The following KCNQ5 variants were observed in gnomAD, a reference collection of about 807,000 sequenced individuals.
KCNQ5 encodes the protein potassium voltage-gated channel subfamily KQT member 5.
In KCNQ5, 30 loss-of-function variants were observed where a neutral mutation model predicts 98.2. The observed-to-expected ratio is 0.31, with a 90% CI of 0.23 to 0.41. The LOEUF (loss-of-function observed/expected upper bound fraction) is 0.41. KCNQ5 is among the 10% of genes least tolerant of loss of function. The probability of loss-of-function intolerance (pLI) is 1.00; values close to 1 mark genes in which losing one functional copy is unlikely to be tolerated. For synonymous variants in KCNQ5, 458 were observed against 449.4 expected (o/e 1.02, Z -0.24); for missense variants, 835 against 1,182.5 (o/e 0.71, Z 4.31).
intron 1 of KCNQ5, among the ~76,000 whole-genome samples, chr6:72,684,746 T>C (rs926725188): frequency 1.3e-5 from 2 of 152,230 alleles, no homozygotes; most frequent in African/African-American, 4.8e-5. Context: ...AATATTGACA[T>C]ATTAATTTAT....
At chr6:73,125,257 G>A in intron 9 of KCNQ5, 1 of 305,852 alleles carries the variant, frequency 3.3e-6, no homozygotes, top group South Asian at 2.9e-5. Flanking sequence ...TCAGATTACA[G>A]CAGAGAATTA....
chr6:73,060,293 A>G (rs1772722770), intron 3 of KCNQ5, among the ~76,000 whole-genome samples: 1 of 152,166 alleles, frequency 6.6e-6, no homozygotes, highest in Non-Finnish European at 1.5e-5. Flanking sequence ...GTGTGGCCAA[A>G]ATATATGAAT....
intron 1 of KCNQ5, among the ~76,000 whole-genome samples, chr6:72,897,154 G>T (rs887941999): frequency 2.6e-5 from 4 of 152,094 alleles, no homozygotes; most frequent in Non-Finnish European, 4.4e-5. Context: ...TAAAAGTGCA[G>T]ATTGGACCAC....
intron 1 of KCNQ5, among the ~76,000 whole-genome samples, chr6:72,832,183 C>T (rs1776303322): frequency 6.6e-6 from 1 of 151,530 alleles, no homozygotes; most frequent in Non-Finnish European, 1.5e-5. Flanking sequence ...TGAGATGTGG[C>T]AATGGATAAG....
intron 5 of KCNQ5, among the ~76,000 whole-genome samples, chr6:73,081,031 C>T (rs1476587345): frequency 6.6e-6 from 1 of 152,118 alleles, no homozygotes; most frequent in Non-Finnish European, 1.5e-5. Context: ...ATAGCAAGTG[C>T]CCAATCAAAT....
chr6:73,042,228 C>G (rs1771744859), intron 3 of KCNQ5, 166 bp downstream of exon 3: 8 of 740,284 alleles, frequency 1.1e-5, no homozygotes, highest in Non-Finnish European at 1.9e-5. Context: ...GATGTTGTCT[C>G]CACAGCATTA....
At chr6:72,945,859 G>A (rs1349822998) in intron 1 of KCNQ5, among the ~76,000 whole-genome samples, 3 of 152,052 alleles carry the variant, frequency 2.0e-5, no homozygotes, top group African/African-American at 7.2e-5. Flanking sequence ...GACTGAGGGG[G>A]AGAAAAGAAG....
intron 3 of KCNQ5, among the ~76,000 whole-genome samples, chr6:73,066,307 A>G (rs556848201): frequency 1.0e-3 from 156 of 152,120 alleles, no homozygotes; most frequent in African/African-American, 3.6e-3. Context: ...CTGTGACTCC[A>G]CCCTCATCCT....
rs144643972 is a variant in KCNQ5 at position 73,157,866 on chromosome 6, A to T, written c.1469-11880A>T. On this transcript the variant is annotated intron_variant, in intron 10 of 13. Coordinates refer to ENST00000370398, the MANE Select transcript of KCNQ5 (RefSeq NM_019842.4). ...GCCTCATGATCTGTGGGTTTTCGGG[A>T]TCTAAGCGAATATCGTTCAGCGCAT... is the stretch of plus-strand genomic sequence containing the variant. 854 of 778,810 alleles carry T rather than the reference A, an allele frequency of 1.1e-3. 3 individuals carry two copies. Among genetic ancestry groups the T allele is most frequent in the South Asian group, 3.3e-3 (244 of 74,584 alleles). 48.2% of individuals were successfully genotyped at this position (778,810 alleles called of 1,614,324 possible).
At chr6:72,783,449 G>T (rs1773584077) in intron 1 of KCNQ5, among the ~76,000 whole-genome samples, 1 of 152,132 alleles carries the variant, frequency 6.6e-6, no homozygotes, top group Admixed American at 6.5e-5. Context: ...TTGAAATGAA[G>T]TAACTAAATC....
chr6:73,085,226 C>T (rs549106780), intron 5 of KCNQ5, among the ~76,000 whole-genome samples: 1 of 152,272 alleles, frequency 6.6e-6, no homozygotes, highest in African/African-American at 2.4e-5. Flanking sequence ...ATTGTAAGCA[C>T]ATCTTAAAGA....
chr6:73,147,147 T>TTC (rs985350944), intron 10 of KCNQ5, among the ~76,000 whole-genome samples: 4 of 151,934 alleles, frequency 2.6e-5, no homozygotes, highest in African/African-American at 9.7e-5. Context: ...CTTTAATTTG[T>TTC]TCTCTCTCTC....
intron 1 of KCNQ5, among the ~76,000 whole-genome samples, chr6:72,859,429 AT>A (rs869097719): frequency 1.6e-5 from 2 of 124,448 alleles, no homozygotes; most frequent in South Asian, 5.8e-4. Flanking sequence ...TATTTTTCGT[AT>A]TTTTTTCAAT....
At chr6:72,710,337 A>G (rs1404476970) in intron 1 of KCNQ5, among the ~76,000 whole-genome samples, 1 of 152,228 alleles carries the variant, frequency 6.6e-6, no homozygotes, top group Non-Finnish European at 1.5e-5. Flanking sequence ...ATTACTTTGA[A>G]TGTAAATGGA....
At chr6:73,049,690 T>C (rs906226854) in intron 3 of KCNQ5, among the ~76,000 whole-genome samples, 3 of 152,194 alleles carry the variant, frequency 2.0e-5, no homozygotes, top group African/African-American at 7.2e-5. Context: ...GATCCGTATT[T>C]TCAGCATGTA....
intron 1 of KCNQ5, among the ~76,000 whole-genome samples, chr6:72,669,183 T>A (rs1766973687): frequency 6.6e-6 from 1 of 152,266 alleles, no homozygotes; most frequent in South Asian, 2.1e-4. Flanking sequence ...AAGGTATGAT[T>A]CATCATGAGG....
rs1033015394 is a variant in KCNQ5, at chr6:72,622,309, G to A, written c.120G>A (p.Glu40=). ...GRLGSGMKDV[E]SGRGRVLLNS... is the part of the protein sequence containing the mutation. ...TGGGCAGCGGCATGAAGGATGTGGA[G>A]TCCGGCCGGGGCAGGGTGCTGCTGA... is the stretch of plus-strand genomic sequence containing the variant. The change falls in exon 1 of 14, where the codon GAG becomes GAA. Residue 40 remains glutamate (E), a synonymous_variant. Coordinates refer to ENST00000370398, the MANE Select transcript of KCNQ5 (RefSeq NM_019842.4). This position sits in a 1 kb window ranked among gnomAD's most constrained non-coding sequence, Gnocchi z 6.0. 2 of 1,364,534 alleles carry A rather than the reference G, an allele frequency of 1.5e-6. No homozygotes were observed. Among genetic ancestry groups the A allele is most frequent in the Non-Finnish European group, 1.9e-6 (2 of 1,062,928 alleles). The allele number at this position is 1,364,534 out of a possible 1,614,324, so 84.5% of individuals were successfully genotyped here.
At chr6:72,863,234 A>C (rs746209104) in intron 1 of KCNQ5, among the ~76,000 whole-genome samples, 3 of 152,220 alleles carry the variant, frequency 2.0e-5, no homozygotes, top group Non-Finnish European at 4.4e-5. Context: ...CATACTAAAT[A>C]GCCACTTAGA....
At chr6:72,912,489 C>T (rs1483635340) in intron 1 of KCNQ5, among the ~76,000 whole-genome samples, 1 of 152,074 alleles carries the variant, frequency 6.6e-6, no homozygotes, top group African/African-American at 2.4e-5. Flanking sequence ...AGGTTTCTAG[C>T]CTTGTGTAAT....
Sources: allele counts gnomAD v4.1 joint callset (sites outside exome capture counted in the v4.1 genomes callset), GRCh38; gene constraint gnomAD v4.1.1; non-coding constraint Gnocchi (gnomAD v3.1); transcripts MANE v1.5; gene names NCBI Gene and HGNC (gene_info 2026-07-23, HGNC 2026-07-21).